Variants in PPFIA2 observed in about 807,000 individuals in gnomAD.
PPFIA2 encodes the protein PPFI scaffold protein A2.
Under a neutral mutation model 175.5 loss-of-function variants are expected in PPFIA2, and 46 were observed. The ratio of observed to expected loss-of-function variants is 0.26; its 90% CI spans 0.21 to 0.34. The LOEUF (loss-of-function observed/expected upper bound fraction) is 0.34. PPFIA2 is among the 10% of genes least tolerant of loss of function. PPFIA2 has a pLI of 1.00. For missense variants in PPFIA2, 1,179 were observed against 1,506.1 expected, an observed-to-expected ratio of 0.78 and a Z score of 3.60; for synonymous variants, 568 against 511.4, an observed-to-expected ratio of 1.11 and a Z score of -1.49.
At chr12:81,468,524 G>A (rs1211513041) in intron 4 of PPFIA2, among the ~76,000 whole-genome samples, 1 of 152,264 alleles carries the variant, frequency 6.6e-6, no homozygotes, top group East Asian at 1.9e-4. Context: ...TTTAGCATCT[G>A]GTTAGGTAAC....
intron 1 of PPFIA2, 113 bp downstream of exon 1, chr12:81,759,167 C>T (rs1361116835): frequency 7.5e-6 from 1 of 132,752 alleles, no homozygotes; most frequent in African/African-American, 2.8e-5. Context: ...TCCCCCGGCC[C>T]CCCTTCCCTC....
intron 4 of PPFIA2, among the ~76,000 whole-genome samples, chr12:81,553,067 T>C (rs2068210730): frequency 6.6e-6 from 1 of 151,838 alleles, no homozygotes; most frequent in South Asian, 2.1e-4. Context: ...GTACAGAGTG[T>C]GGTATGACAG....
chr12:81,737,307 T>A (rs144654990), intron 3 of PPFIA2, among the ~76,000 whole-genome samples: 2 of 152,032 alleles, frequency 1.3e-5, no homozygotes, highest in Non-Finnish European at 2.9e-5. Flanking sequence ...CCTTAATGAA[T>A]CTTCCTCACT....
chr12:81,411,737 G>A (rs959981967), intron 7 of PPFIA2, among the ~76,000 whole-genome samples: 5 of 151,912 alleles, frequency 3.3e-5, no homozygotes, highest in Non-Finnish European at 5.9e-5. Flanking sequence ...CAGGCGTTAG[G>A]GAAACACAAT....
At chr12:81,696,315 G>A (rs750063325) in intron 3 of PPFIA2, among the ~76,000 whole-genome samples, 2 of 152,030 alleles carry the variant, frequency 1.3e-5, no homozygotes, top group African/African-American at 4.8e-5. Context: ...ATTTTGATTT[G>A]CACATTGGCA....
intron 4 of PPFIA2, among the ~76,000 whole-genome samples, chr12:81,551,581 T>G (rs745767484): frequency 5.5e-4 from 84 of 152,090 alleles, no homozygotes; most frequent in Non-Finnish European, 7.1e-4. Context: ...TAGTGAAGGA[T>G]AAGCATCCAT....
chr12:81,588,573 T>C (rs1163221476), intron 4 of PPFIA2, among the ~76,000 whole-genome samples: 1 of 152,122 alleles, frequency 6.6e-6, no homozygotes, highest in Non-Finnish European at 1.5e-5. Context: ...GAACTTAATA[T>C]ATTGTTTTCC....
intron 3 of PPFIA2, among the ~76,000 whole-genome samples, chr12:81,698,679 C>G (rs892973486): frequency 6.6e-6 from 1 of 151,922 alleles, no homozygotes; most frequent in Non-Finnish European, 1.5e-5. Context: ...TATATTTTGG[C>G]CATTCCCTAT....
chr12:81,629,556 T>A (rs1376884500), intron 4 of PPFIA2, among the ~76,000 whole-genome samples: 1 of 152,170 alleles, frequency 6.6e-6, no homozygotes, highest in Non-Finnish European at 1.5e-5. Context: ...GAGTGCTTAA[T>A]AGGTCACAGA....
chr12:81,501,948 C>T (rs2060639372), intron 4 of PPFIA2, among the ~76,000 whole-genome samples: 1 of 152,070 alleles, frequency 6.6e-6, no homozygotes, highest in Admixed American at 6.6e-5. Context: ...TATATCCGAG[C>T]CCTGGCGGTG....
At chr12:81,536,343 G>A (rs1594652350) in intron 4 of PPFIA2, among the ~76,000 whole-genome samples, 1 of 151,436 alleles carries the variant, frequency 6.6e-6, no homozygotes, top group East Asian at 1.9e-4. Flanking sequence ...CATATAGCCT[G>A]TATTTTATCT....
At chr12:81,344,745 A>G in intron 18 of PPFIA2, 52 bp from the exon 19 acceptor site, 2 of 1,352,592 alleles carry the variant, frequency 1.5e-6, no homozygotes, top group Non-Finnish European at 2.0e-6. Context: ...AGAATTAACA[A>G]TCATTTGACC....
intron 4 of PPFIA2, among the ~76,000 whole-genome samples, chr12:81,474,391 A>C (rs1236426161): frequency 6.6e-6 from 1 of 152,160 alleles, no homozygotes; most frequent in Non-Finnish European, 1.5e-5. Context: ...TCCTGGCCTC[A>C]AGTGATCCAC....
Position 81,721,879 on chromosome 12 carries a change from G to T in PPFIA2, c.249+32094C>A, listed in dbSNP as rs181785676. Among the ~76,000 whole-genome samples, 357 of 151,094 alleles carry T rather than the reference G, an allele frequency of 2.4e-3. 2 individuals carry two copies. The highest frequency in any genetic ancestry group is 8.4e-3 in the African/African-American group (346 of 41,378). On this transcript the variant is annotated intron_variant, in intron 3 of 32. Coordinates refer to ENST00000549396, the MANE Select transcript of PPFIA2 (RefSeq NM_003625.5). ...CAAGGTAATAATAACATCAACCTCA[G>T]AAGGGTTTAGCAAGGATTTCAGTGA...
intron 4 of PPFIA2, among the ~76,000 whole-genome samples, chr12:81,648,007 A>G (rs2066435599): frequency 6.7e-6 from 1 of 149,258 alleles, no homozygotes; most frequent in Admixed American, 6.7e-5. Context: ...AAAAGGAAAA[A>G]AAAAACTCAA....
At chr12:81,332,649 C>A (rs2056360999) in intron 21 of PPFIA2, among the ~76,000 whole-genome samples, 1 of 152,122 alleles carries the variant, frequency 6.6e-6, no homozygotes, top group Non-Finnish European at 1.5e-5. Flanking sequence ...TTATATACTT[C>A]TTGAATAATC....
intron 4 of PPFIA2, among the ~76,000 whole-genome samples, chr12:81,644,182 T>C (rs1008238533): frequency 5.3e-5 from 8 of 152,188 alleles, no homozygotes; most frequent in Non-Finnish European, 1.2e-4. Context: ...TACATTATGA[T>C]AAAATTTACT....
intron 4 of PPFIA2, among the ~76,000 whole-genome samples, chr12:81,656,308 T>C (rs748971012): frequency 7.9e-5 from 12 of 152,146 alleles, no homozygotes; most frequent in Non-Finnish European, 1.8e-4. Context: ...ATTTCTTACA[T>C]GCTTTTGTTT....
intron 4 of PPFIA2, among the ~76,000 whole-genome samples, chr12:81,638,269 T>C (rs1184215954): frequency 6.6e-6 from 1 of 152,136 alleles, no homozygotes; most frequent in African/African-American, 2.4e-5. Context: ...TCTGACTGCA[T>C]GGCAGAACTA....
Sources: allele counts gnomAD v4.1 joint callset (sites outside exome capture counted in the v4.1 genomes callset), GRCh38; gene constraint gnomAD v4.1.1; transcripts MANE v1.5; gene names NCBI Gene and HGNC (gene_info 2026-07-23, HGNC 2026-07-21).